Variants in DTNB observed in about 807,000 individuals in gnomAD.
The protein encoded by DTNB is DTN-B.
In DTNB, 63 loss-of-function variants were observed where a neutral mutation model predicts 90.7. The observed-to-expected ratio is 0.69, with a 90% CI of 0.57 to 0.86. The LOEUF (loss-of-function observed/expected upper bound fraction) is 0.86, where lower values mean the gene tolerates loss of function less well. Ranked by LOEUF, DTNB falls within the 40% of genes least tolerant of loss-of-function variation. DTNB has a pLI of 0.00. For missense variants in DTNB, 744 were observed against 807.1 expected, an observed-to-expected ratio of 0.92 and a Z score of 0.95; for synonymous variants, 277 against 286.7, an observed-to-expected ratio of 0.97 and a Z score of 0.34.
intron 10 of DTNB, among the ~76,000 whole-genome samples, chr2:25,465,833 C>T (rs1465741736): frequency 6.6e-6 from 1 of 152,198 alleles, no homozygotes; most frequent in Non-Finnish European, 1.5e-5. Flanking sequence ...TTCTGCACAG[C>T]ATTTACCACT....
chr2:25,419,000 A>T (rs1228226026), intron 16 of DTNB: 2 of 157,166 alleles, frequency 1.3e-5, no homozygotes, highest in African/African-American at 4.8e-5. Flanking sequence ...CTGAACAGGA[A>T]ATCATTGCAA....
At chr2:25,566,910 C>A (rs1428950800) in intron 8 of DTNB, among the ~76,000 whole-genome samples, 8 of 152,170 alleles carry the variant, frequency 5.3e-5, no homozygotes. Flanking sequence ...GAAAGCTGGG[C>A]TGAGGCAGGA....
chr2:25,631,265 C>T (rs1457515907), intron 3 of DTNB, among the ~76,000 whole-genome samples: 4 of 151,876 alleles, frequency 2.6e-5, no homozygotes, highest in Admixed American at 6.6e-5. Context: ...AGAGGGTCAG[C>T]GAATAATGAT....
intron 10 of DTNB, among the ~76,000 whole-genome samples, chr2:25,466,661 C>T (rs963703019): frequency 6.6e-6 from 1 of 152,204 alleles, no homozygotes; most frequent in African/African-American, 2.4e-5. Context: ...TTGGGAAATA[C>T]ACAATTTGGG....
intron 19 of DTNB, among the ~76,000 whole-genome samples, chr2:25,380,975 G>A (rs1235885087): frequency 2.6e-5 from 4 of 152,342 alleles, no homozygotes; most frequent in Admixed American, 6.5e-5. Context: ...ACTCAGACTC[G>A]AACCAGGATA....
chr2:25,422,901 T>C (rs1345571796), intron 15 of DTNB, among the ~76,000 whole-genome samples: 1 of 152,170 alleles, frequency 6.6e-6, no homozygotes, highest in Non-Finnish European at 1.5e-5. Context: ...GTCTACATTA[T>C]GTCATTAAAA....
chr2:25,437,759 C>A (rs1359077420), intron 12 of DTNB, among the ~76,000 whole-genome samples: 1 of 152,208 alleles, frequency 6.6e-6, no homozygotes, highest in Admixed American at 6.5e-5. Flanking sequence ...TGATTTCTTT[C>A]AAAAAATAAG....
intron 16 of DTNB, among the ~76,000 whole-genome samples, chr2:25,402,854 T>G (rs765345233): frequency 6.6e-6 from 1 of 152,206 alleles, no homozygotes; most frequent in Non-Finnish European, 1.5e-5. Flanking sequence ...CAAGTTACAC[T>G]AAATTATATA....
At chr2:25,451,724 C>T (rs2059318265) in intron 11 of DTNB, 89 bp from the exon 12 acceptor site, 17 of 1,271,068 alleles carry the variant, frequency 1.3e-5, no homozygotes, top group Non-Finnish European at 1.8e-5. Context: ...AAGAAAAGCT[C>T]ATAAAAGAAT....
At chr2:25,546,392 G>A (rs111435505) in intron 8 of DTNB, among the ~76,000 whole-genome samples, 2 of 152,214 alleles carry the variant, frequency 1.3e-5, no homozygotes, top group South Asian at 2.1e-4. Context: ...GGTAGATTTT[G>A]TAAGTTTTCT....
At chr2:25,389,854 G>GTT (rs1179402498) in intron 16 of DTNB, among the ~76,000 whole-genome samples, 20 of 146,338 alleles carry the variant, frequency 1.4e-4, no homozygotes, top group African/African-American at 4.6e-4. Flanking sequence ...ATTTGTGTGT[G>GTT]TGTGTGTGTG....
intron 16 of DTNB, among the ~76,000 whole-genome samples, chr2:25,408,811 T>C (rs1170847419): frequency 2.0e-5 from 3 of 152,166 alleles, no homozygotes; most frequent in Non-Finnish European, 2.9e-5. Flanking sequence ...ATCGTTACTA[T>C]GGAACATCAG....
At chr2:25,392,534 A>G (rs997505994) in intron 16 of DTNB, among the ~76,000 whole-genome samples, 1 of 152,254 alleles carries the variant, frequency 6.6e-6, no homozygotes, top group African/African-American at 2.4e-5. Context: ...AGAAGATCCA[A>G]ATAAGCTCAA....
At chr2:25,654,304 T>C (rs1270385482) in intron 1 of DTNB, among the ~76,000 whole-genome samples, 2 of 152,198 alleles carry the variant, frequency 1.3e-5, no homozygotes, top group East Asian at 3.9e-4. Flanking sequence ...CCAGGGACAA[T>C]TTTGCCCCCA....
At chr2:25,389,374 T>G (rs1052831251) in intron 16 of DTNB, among the ~76,000 whole-genome samples, 1 of 152,216 alleles carries the variant, frequency 6.6e-6, no homozygotes, top group African/African-American at 2.4e-5. Context: ...TCATGCCACA[T>G]GCACTGCACA....
intron 9 of DTNB, among the ~76,000 whole-genome samples, chr2:25,509,933 T>C (rs1448989064): frequency 6.6e-6 from 1 of 151,924 alleles, no homozygotes; most frequent in Non-Finnish European, 1.5e-5. Context: ...GTATTTTTAG[T>C]AGAGATGGGG....
chr2:25,630,578 C>A (rs1352843371), intron 3 of DTNB, among the ~76,000 whole-genome samples: 2 of 152,136 alleles, frequency 1.3e-5, no homozygotes, highest in Non-Finnish European at 2.9e-5. Flanking sequence ...GTGACGGTGG[C>A]TCATGCCTGT....
At chr2:25,404,297 G>C (rs2044484270) in intron 16 of DTNB, among the ~76,000 whole-genome samples, 1 of 152,168 alleles carries the variant, frequency 6.6e-6, no homozygotes, top group Admixed American at 6.5e-5. Flanking sequence ...TTATGGAACA[G>C]GGTTAAGTTT....
intron 9 of DTNB, among the ~76,000 whole-genome samples, chr2:25,521,806 G>C (rs1007919341): frequency 2.6e-5 from 4 of 152,252 alleles, no homozygotes; most frequent in African/African-American, 4.8e-5. Flanking sequence ...ATGAGGGACA[G>C]GTTGGCCTTA....
Sources: gnomAD v4.1 joint callset for allele counts (sites outside exome capture counted in the v4.1 genomes callset) on GRCh38, gnomAD v4.1.1 for gene constraint, MANE v1.5 for transcripts, NCBI Gene and HGNC (gene_info 2026-07-23, HGNC 2026-07-21) for gene names.